OPCML: variants seen among roughly 807,000 people sequenced by gnomAD.
OPCML encodes the protein opioid-binding protein/cell adhesion molecule.
In OPCML, 13 loss-of-function variants were observed where a neutral mutation model predicts 37.8. The observed-to-expected ratio is 0.34, with a 90% CI of 0.22 to 0.55. The LOEUF (loss-of-function observed/expected upper bound fraction) is 0.55. OPCML is among the 20% of genes least tolerant of loss of function. The pLI, the probability that OPCML is intolerant of heterozygous loss-of-function variation, is 0.91. For missense variants in OPCML, 341 were observed against 435.6 expected (o/e 0.78, Z 1.93); for synonymous variants, 176 against 168.8 (o/e 1.04, Z -0.33).
rs1051279288 is a variant in OPCML at position 133,006,999 on chromosome 11, T to A, written c.62-63989A>T. ...GTTAATCCTTCTCCCTCTAAAGCAA[T>A]CATATTCACTTAATTTAAAACAGGA... On this transcript the variant is annotated intron_variant, in intron 1 of 7. Coordinates refer to ENST00000524381, the MANE Select transcript of OPCML (RefSeq NM_001012393.5). 17 of 985,286 alleles carry A rather than the reference T, an allele frequency of 1.7e-5. No individual in the cohort carries two copies. The African/African-American group carries it at 3.0e-4, about 17-fold the overall frequency. The allele number at this position is 985,286 out of a possible 1,614,324, so 61.0% of individuals were successfully genotyped here. A position where few individuals can be genotyped will look rare whatever the true frequency, so the allele number is the denominator to read the frequency against.
intron 4 of OPCML, among the ~76,000 whole-genome samples, chr11:132,494,732 A>G (rs2096225999): frequency 6.6e-6 from 1 of 152,206 alleles, no homozygotes; most frequent in African/African-American, 2.4e-5. Flanking sequence ...ATGGCCTATA[A>G]TATTTTTTAA....
At chr11:133,240,042 AT>A (rs922674136) in intron 1 of OPCML, among the ~76,000 whole-genome samples, 2 of 152,048 alleles carry the variant, frequency 1.3e-5, no homozygotes, top group African/African-American at 4.8e-5. Context: ...TGAGATTCCA[AT>A]TATTCATTAA....
chr11:133,255,139 A>G (rs1941270074), intron 1 of OPCML, among the ~76,000 whole-genome samples: 1 of 152,134 alleles, frequency 6.6e-6, no homozygotes, highest in South Asian at 2.1e-4. Flanking sequence ...CTCCCTCTGC[A>G]CCTTTTTTTC....
intron 3 of OPCML, among the ~76,000 whole-genome samples, chr11:132,561,452 T>G (rs910961370): frequency 6.6e-6 from 1 of 152,216 alleles, no homozygotes; most frequent in African/African-American, 2.4e-5. Flanking sequence ...CTCCCACATG[T>G]GCCCCTGACA....
At position 133,211,022 on chromosome 11, in the gene OPCML, T is replaced by C. The variant is rs540832053; in HGVS notation, c.62-268012A>G. On this transcript the variant is annotated intron_variant, in intron 1 of 7. Transcript: ENST00000524381. This position sits in a 1 kb window ranked among gnomAD's most constrained non-coding sequence, Gnocchi z 4.1. Reference sequence around the variant, plus strand: ...AGCTGAAAAACAAAAATTAAAAAAATGTGCAGAGAAGTCTCTCTACAAACT... The same window carrying C: ...AGCTGAAAAACAAAAATTAAAAAAACGTGCAGAGAAGTCTCTCTACAAACT... Among the ~76,000 whole-genome samples the C allele has an allele frequency of 6.6e-6, 1 of 152,156 alleles. No individual in the cohort carries two copies. The highest frequency in any genetic ancestry group is 1.9e-4 in the East Asian group (1 of 5,182).
intron 2 of OPCML, among the ~76,000 whole-genome samples, chr11:132,691,050 T>G (rs928329596): frequency 6.6e-6 from 1 of 152,200 alleles, no homozygotes; most frequent in African/African-American, 2.4e-5. Context: ...AGGTGGAAGA[T>G]GCTGTTCTAC....
At chr11:132,740,986 T>C (rs1414565835) in intron 2 of OPCML, among the ~76,000 whole-genome samples, 1 of 152,212 alleles carries the variant, frequency 6.6e-6, no homozygotes, top group Non-Finnish European at 1.5e-5. Flanking sequence ...AGGGACAGTA[T>C]GACGTGAAGC....
intron 7 of OPCML, among the ~76,000 whole-genome samples, chr11:132,434,915 T>C (rs2096008220): frequency 6.6e-6 from 1 of 152,170 alleles, no homozygotes; most frequent in Non-Finnish European, 1.5e-5. Context: ...ATAAGGTTCT[T>C]GTTTTGGGGG....
intron 1 of OPCML, among the ~76,000 whole-genome samples, chr11:133,352,605 G>A (rs530732201): frequency 6.6e-6 from 1 of 152,190 alleles, no homozygotes; most frequent in East Asian, 1.9e-4. Context: ...CTGAGGATAA[G>A]GACTTAACTC....
intron 3 of OPCML, among the ~76,000 whole-genome samples, chr11:132,592,973 T>A (rs568624452): frequency 6.6e-6 from 1 of 152,348 alleles, no homozygotes; most frequent in East Asian, 1.9e-4. Context: ...GAGAGCATGT[T>A]CACGGAGTTC....
Position 132,974,609 on chromosome 11 carries a change from C to T in OPCML, c.62-31599G>A, listed in dbSNP as rs528597428. 2.0e-5 allele frequency among the ~76,000 whole-genome samples: 3 copies of T among 152,272 alleles called. No homozygotes were observed. In the South Asian group the frequency reaches 6.2e-4, roughly 32 times the overall value. On this transcript the variant is annotated intron_variant, in intron 1 of 7. Transcript: ENST00000524381. ...GACAGTGTGGCAGTTCCTCAAGGAT[C>T]TAGAACCAGAAATACCACTTGACCC... is the stretch of plus-strand genomic sequence containing the variant.
chr11:133,005,652 A>C (rs970005430), intron 1 of OPCML: 1 of 984,124 alleles, frequency 1.0e-6, no homozygotes, highest in South Asian at 4.7e-5. Context: ...CCAAGAAAAA[A>C]AAACTGTTAT....
chr11:132,708,071 G>A (rs1019409972), intron 2 of OPCML, among the ~76,000 whole-genome samples: 1 of 152,178 alleles, frequency 6.6e-6, no homozygotes, highest in Non-Finnish European at 1.5e-5. Context: ...GTTGTGTCAT[G>A]TTGGAATTTG....
At chr11:133,476,159 C>T (rs1947233420) in intron 1 of OPCML, among the ~76,000 whole-genome samples, 2 of 152,158 alleles carry the variant, frequency 1.3e-5, no homozygotes, top group Non-Finnish European at 2.9e-5. Context: ...GGGCCAAAAA[C>T]CCATTAAGGT....
At chr11:133,406,844 G>A (rs1032762482) in intron 1 of OPCML, among the ~76,000 whole-genome samples, 1 of 152,186 alleles carries the variant, frequency 6.6e-6, no homozygotes, top group Non-Finnish European at 1.5e-5. Context: ...GGAAACACAC[G>A]CTTAAGTGAT....
chr11:133,296,506 T>C (rs12420804), intron 1 of OPCML, among the ~76,000 whole-genome samples: 7,374 of 152,300 alleles, frequency 0.048, 205 homozygotes, highest in Middle Eastern at 0.071. Flanking sequence ...TTTTATGGAA[T>C]GGTGCCTCAA....
chr11:132,799,584 A>G (rs1293258756), intron 2 of OPCML, among the ~76,000 whole-genome samples: 1 of 152,204 alleles, frequency 6.6e-6, no homozygotes, highest in Middle Eastern at 3.2e-3. Context: ...ACAGATCTCC[A>G]TAACAGATCC....
At chr11:133,025,128 T>A (rs1459173760) in intron 1 of OPCML, among the ~76,000 whole-genome samples, 1 of 152,192 alleles carries the variant, frequency 6.6e-6, no homozygotes, top group Non-Finnish European at 1.5e-5. Flanking sequence ...TGGGATTGAT[T>A]TGGGAGTAAT....
chr11:132,945,984 G>A (rs969610696), intron 1 of OPCML, among the ~76,000 whole-genome samples: 1 of 152,176 alleles, frequency 6.6e-6, no homozygotes, highest in African/African-American at 2.4e-5. Context: ...GGGTTTCACC[G>A]TGTTAGTCAG....
Sources: allele counts gnomAD v4.1 joint callset (sites outside exome capture counted in the v4.1 genomes callset), GRCh38; gene constraint gnomAD v4.1.1; non-coding constraint Gnocchi (gnomAD v3.1); transcripts MANE v1.5; gene names NCBI Gene and HGNC (gene_info 2026-07-23, HGNC 2026-07-21).